Variants in DCK observed in about 807,000 individuals in gnomAD.
DCK encodes deoxycytidine kinase, also known as deoxyadenosine kinase.
Under a neutral mutation model 38.3 loss-of-function variants are expected in DCK, and 23 were observed. That is an observed-to-expected ratio of 0.60 (90% confidence interval 0.43 to 0.85). DCK has a LOEUF of 0.85. Among genes scored for constraint, DCK ranks in the 40% least tolerant of loss-of-function variants. DCK has a pLI of 0.00. For missense variants in DCK, 259 were observed against 304.4 expected (o/e 0.85, Z 1.11); for synonymous variants, 108 against 100.6 (o/e 1.07, Z -0.44).
chr4:71,019,132 A>G (rs1057341861), intron 2 of DCK, among the ~76,000 whole-genome samples: 2 of 152,188 alleles, frequency 1.3e-5, no homozygotes, highest in Non-Finnish European at 2.9e-5. Flanking sequence ...TTAATTTTCT[A>G]ATTTGTTACA....
chr4:71,022,351 T>C lies in DCK; in HGVS notation c.208-16T>C. 6.8e-7 allele frequency: 1 copy of C among 1,465,426 alleles called. No homozygotes were observed. Among genetic ancestry groups the C allele is most frequent in the African/African-American group, 1.4e-5 (1 of 69,450 alleles). The allele number at this position is 1,465,426 out of a possible 1,614,324, so 90.8% of individuals were successfully genotyped here. On this transcript the variant is annotated splice_polypyrimidine_tract_variant and intron_variant, in intron 2 of 6. Transcript: ENST00000286648. ...ATTAATTTTGCTTTTTATTTCTTTTTGCACATTCAAAATAGGAACTTACAA... is the reference window on the plus strand; with the variant it reads ...ATTAATTTTGCTTTTTATTTCTTTTCGCACATTCAAAATAGGAACTTACAA...
At chr4:71,003,687 CTTTATT>C (rs1739868599) in intron 2 of DCK, among the ~76,000 whole-genome samples, 2 of 152,140 alleles carry the variant, frequency 1.3e-5, no homozygotes, top group South Asian at 2.1e-4. Flanking sequence ...TATCTTCACG[CTTTATT>C]TTTATTAAGT....
intron 2 of DCK, among the ~76,000 whole-genome samples, chr4:71,015,033 TAAAG>T (rs1396574472): frequency 1.3e-5 from 2 of 151,918 alleles, no homozygotes; most frequent in Non-Finnish European, 2.9e-5. Context: ...GCAAGACTAA[TAAAG>T]AAGAAAACAG....
At chr4:71,015,464 G>A (rs1248047127) in intron 2 of DCK, among the ~76,000 whole-genome samples, 1 of 152,138 alleles carries the variant, frequency 6.6e-6, no homozygotes, top group African/African-American at 2.4e-5. Context: ...ACCAAAGCCT[G>A]GCAGAGACAC....
chr4:71,026,168 T>A (rs1740543206), intron 5 of DCK, among the ~76,000 whole-genome samples: 1 of 152,098 alleles, frequency 6.6e-6, no homozygotes, highest in Non-Finnish European at 1.5e-5. Context: ...ATATGTGAAA[T>A]TTCACTTTAA....
chr4:71,024,403 A>C, intron 4 of DCK, among the ~76,000 whole-genome samples: 1 of 152,148 alleles, frequency 6.6e-6, no homozygotes, highest in East Asian at 1.9e-4. Flanking sequence ...AACTAACCTA[A>C]ATATTAAGAT....
At chr4:71,017,752 G>A (rs1243266668) in intron 2 of DCK, among the ~76,000 whole-genome samples, 1 of 133,510 alleles carries the variant, frequency 7.5e-6, no homozygotes, top group African/African-American at 2.8e-5. Context: ...ACACAGGAAT[G>A]TGAACATCAC....
intron 1 of DCK, among the ~76,000 whole-genome samples, chr4:70,996,093 C>T (rs1266199273): frequency 6.6e-6 from 1 of 151,954 alleles, no homozygotes; most frequent in East Asian, 1.9e-4. Flanking sequence ...CCTGTAGCTC[C>T]AACTACTCAG....
chr4:71,014,605 G>A (rs191495600), intron 2 of DCK, among the ~76,000 whole-genome samples: 1,933 of 152,248 alleles, frequency 0.013, 19 homozygotes, highest in Non-Finnish European at 0.019. Flanking sequence ...TAGAACTCAG[G>A]ATTAAGAAAC....
rs1372115171 is a variant in DCK, at chr4:71,030,397, G to A, written c.*1019G>A. On this transcript the variant is annotated 3_prime_UTR_variant, in exon 7 of 7. Coordinates refer to ENST00000286648, the MANE Select transcript of DCK (RefSeq NM_000788.3). The stretch of plus-strand genomic sequence containing the variant: ...GAAAATTTTATGTATTTTAAAATAA[G>A]GGGAAGAGTCATTTTCACTTTTAAA... 6 of 152,026 alleles carry A rather than the reference G, an allele frequency of 3.9e-5. No homozygotes were observed. The highest frequency in any genetic ancestry group is 5.9e-5 in the Non-Finnish European group (4 of 67,970). 9.4% of individuals were successfully genotyped at this position (152,026 alleles called of 1,614,324 possible). A position where few individuals can be genotyped will look rare whatever the true frequency, so the allele number is the denominator to read the frequency against.
intron 6 of DCK, among the ~76,000 whole-genome samples, chr4:71,029,049 G>C (rs928975218): frequency 2.0e-5 from 3 of 152,112 alleles, no homozygotes; most frequent in Non-Finnish European, 4.4e-5. Context: ...GAGCCACTGC[G>C]CCTGGCCTAT....
At chr4:71,024,685 AGTGAATTTTGAAATTCACTTTTAT>A (rs1238427020) in intron 4 of DCK, among the ~76,000 whole-genome samples, 1 of 152,048 alleles carries the variant, frequency 6.6e-6, no homozygotes, top group African/African-American at 2.4e-5. Context: ...CAATTTCAAA[AGTGAATTTTGAAATTCACTTTTAT>A]TTTTGAATTT....
chr4:71,006,133 C>CAAAAAAAAAAAAAAAAAAACAAA, intron 2 of DCK, among the ~76,000 whole-genome samples: 1 of 104,338 alleles, frequency 9.6e-6, no homozygotes, highest in Non-Finnish European at 1.9e-5. Context: ...ACAAAAACAC[C>CAAAAAAAAAAAAAAAAAAACAAA]AAAAAAAAAA....
At chr4:70,994,718 T>A (rs1014830691) in intron 1 of DCK, among the ~76,000 whole-genome samples, 2 of 152,266 alleles carry the variant, frequency 1.3e-5, no homozygotes, top group South Asian at 4.1e-4. Flanking sequence ...AACATTCGAG[T>A]ACAAGCAAAG....
rs375671177 is a variant in DCK, at chr4:71,022,553, A to G, written c.394A>G (p.Ser132Gly). The G allele has an allele frequency of 1.3e-6, 2 of 1,539,266 alleles. No homozygotes were observed. Among genetic ancestry groups the G allele is most frequent in the Middle Eastern group, 1.7e-4 (1 of 5,754 alleles). ...PVLFFERSVYSDRYIFASNLY... is the reference protein window; with the variant it reads ...PVLFFERSVYGDRYIFASNLY... ...ATTATTTTTTGAACGATCTGTGTAT[A>G]GTGACAGGTATGTATAAATGGCTTG... The change falls in exon 3 of 7, where the codon AGT becomes GGT. Residue 132 changes from serine (S) to glycine (G), a missense_variant. Transcript: ENST00000286648.
rs542121269 is a variant in DCK at position 71,019,860 on chromosome 4, C to G, written c.208-2507C>G. On this transcript the variant is annotated intron_variant, in intron 2 of 6. Coordinates refer to ENST00000286648, the MANE Select transcript of DCK (RefSeq NM_000788.3). ...TGAAGTACAGTGCATGATCTCAGCT[C>G]ACGGCAACTTCTGCCTCCCCAGTTC... Among the ~76,000 whole-genome samples the G allele has an allele frequency of 2.6e-5, 4 of 152,134 alleles. No individual in the cohort carries two copies. In the South Asian group the frequency reaches 8.3e-4, roughly 32 times the overall value.
At chr4:71,013,231 C>A (rs1340730502) in intron 2 of DCK, among the ~76,000 whole-genome samples, 2 of 152,136 alleles carry the variant, frequency 1.3e-5, no homozygotes, top group Non-Finnish European at 2.9e-5. Flanking sequence ...AAGAAATGAA[C>A]AAAACCTCCA....
intron 2 of DCK, among the ~76,000 whole-genome samples, chr4:71,001,807 A>G (rs1739807356): frequency 6.6e-6 from 1 of 151,978 alleles, no homozygotes; most frequent in African/African-American, 2.4e-5. Context: ...GGTAGTTTGT[A>G]TTTCTGTGGG....
intron 2 of DCK, among the ~76,000 whole-genome samples, chr4:71,021,967 A>C (rs1740434683): frequency 6.6e-6 from 1 of 152,150 alleles, no homozygotes; most frequent in South Asian, 2.1e-4. Context: ...GTGCCACTGC[A>C]CTCCAGCTGG....
Sources: gnomAD v4.1 joint callset for allele counts (sites outside exome capture counted in the v4.1 genomes callset) on GRCh38, gnomAD v4.1.1 for gene constraint, MANE v1.5 for transcripts, NCBI Gene and HGNC (gene_info 2026-07-23, HGNC 2026-07-21) for gene names.